TASP1: variants seen among roughly 807,000 people sequenced by gnomAD.
TASP1 encodes threonine aspartase 1.
Under a neutral mutation model 56.6 loss-of-function variants are expected in TASP1, and 16 were observed. That is an observed-to-expected ratio of 0.28 (90% CI 0.19 to 0.43). The LOEUF (loss-of-function observed/expected upper bound fraction) is 0.43, where lower values mean the gene tolerates loss of function less well. Among genes scored for constraint, TASP1 ranks in the 20% least tolerant of loss-of-function variants. The pLI is 1.00. For synonymous variants in TASP1, 179 were observed against 184.2 expected (o/e 0.97, Z 0.23); for missense variants, 393 against 511.6 (o/e 0.77, Z 2.24).
At chr20:13,364,865 G>A in the TASP1 span, among the ~76,000 whole-genome samples, 1 of 152,114 alleles carries the variant, frequency 6.6e-6, no homozygotes, top group Non-Finnish European at 1.5e-5. Context: ...ATGTGCACTA[G>A]AACTTTCTCC....
chr20:13,115,616 T>A, the TASP1 span, among the ~76,000 whole-genome samples: 10 of 152,138 alleles, frequency 6.6e-5, no homozygotes, highest in Admixed American at 5.9e-4. Flanking sequence ...CTGCAGCCAT[T>A]TATTATGTAT....
the TASP1 span, among the ~76,000 whole-genome samples, chr20:13,217,765 G>T: frequency 6.6e-6 from 1 of 152,174 alleles, no homozygotes; most frequent in African/African-American, 2.4e-5. Context: ...TTGTCTCAAA[G>T]ATTATACTTG....
intron 7 of TASP1, among the ~76,000 whole-genome samples, chr20:13,563,066 CAT>C (rs954624091): frequency 1.9e-4 from 28 of 147,762 alleles, no homozygotes; most frequent in Admixed American, 5.4e-4. Flanking sequence ...CACACACACA[CAT>C]ATATATGTAT....
rs548110152 is a variant in TASP1 at position 13,432,291 on chromosome 20, C to A, written c.1096+2753G>T. Among the ~76,000 whole-genome samples, 127 of 152,250 alleles carry A rather than the reference C, an allele frequency of 8.3e-4. 1 individual carries two copies. The South Asian group carries it at 0.026, about 31-fold the overall frequency. On this transcript the variant is annotated intron_variant, in intron 12 of 13. Transcript: ENST00000337743. Reference sequence around the variant, plus strand: ...TTAACTTTTTCACAGCAAGGGGTCACAAGTTACTGACTAATCAAGAAATAG... The same window carrying A: ...TTAACTTTTTCACAGCAAGGGGTCAAAAGTTACTGACTAATCAAGAAATAG...
chr20:13,217,172 A>G, the TASP1 span, among the ~76,000 whole-genome samples: 4 of 152,236 alleles, frequency 2.6e-5, no homozygotes, highest in African/African-American at 9.6e-5. Flanking sequence ...GCATACTGAA[A>G]TATGTACATA....
At chr20:13,122,911 C>T in the TASP1 span, among the ~76,000 whole-genome samples, 1 of 152,290 alleles carries the variant, frequency 6.6e-6, no homozygotes, top group East Asian at 1.9e-4. Flanking sequence ...AGTCACACAA[C>T]CTTAGAATGT....
the TASP1 span, among the ~76,000 whole-genome samples, chr20:13,382,972 T>C: frequency 4.6e-5 from 7 of 151,814 alleles, no homozygotes; most frequent in African/African-American, 7.3e-5. Context: ...CTGAAGGAGA[T>C]GAGGGAAGAG....
At chr20:13,373,103 G>A in the TASP1 span, among the ~76,000 whole-genome samples, 11 of 151,570 alleles carry the variant, frequency 7.3e-5, no homozygotes, top group Admixed American at 2.0e-4. Flanking sequence ...ATCATTTCTA[G>A]TTCTCTTTAT....
chr20:13,254,580 A>G, the TASP1 span, among the ~76,000 whole-genome samples: 1 of 152,150 alleles, frequency 6.6e-6, no homozygotes, highest in African/African-American at 2.4e-5. Flanking sequence ...TGACTTGGTC[A>G]CAGGCAGGTG....
chr20:13,328,773 T>C, the TASP1 span, among the ~76,000 whole-genome samples: 1 of 122,114 alleles, frequency 8.2e-6, no homozygotes, highest in Non-Finnish European at 1.6e-5. Context: ...CATGGTCACA[T>C]TGTGGGGAAC....
At chr20:13,290,753 C>G in the TASP1 span, among the ~76,000 whole-genome samples, 1 of 152,180 alleles carries the variant, frequency 6.6e-6, no homozygotes, top group South Asian at 2.1e-4. Context: ...ACTTAAGTGT[C>G]AAGCAAATGG....
rs975762023 is a variant in TASP1, at chr20:13,611,398, A to G, written c.282+12048T>C. 8.5e-5 allele frequency among the ~76,000 whole-genome samples: 13 copies of G among 152,348 alleles called. No individual in the cohort carries two copies. In the East Asian group the frequency reaches 2.3e-3, roughly 27 times the overall value. The stretch of plus-strand genomic sequence containing the variant: ...GCTTTAGCTTCAGGTCAAAAATTTT[A>G]GAGTGATATACTTTGGTATTAGTTC... On this transcript the variant is annotated intron_variant, in intron 4 of 13. Coordinates refer to ENST00000337743, the MANE Select transcript of TASP1 (RefSeq NM_017714.3).
At chr20:13,345,584 C>T in the TASP1 span, among the ~76,000 whole-genome samples, 2 of 152,274 alleles carry the variant, frequency 1.3e-5, no homozygotes, top group Admixed American at 1.3e-4. Context: ...CATATCTACA[C>T]TGGGGGAGGG....
chr20:13,225,006 C>G, the TASP1 span, among the ~76,000 whole-genome samples: 4 of 143,454 alleles, frequency 2.8e-5, no homozygotes, highest in African/African-American at 1.1e-4. Context: ...CCACCACGCC[C>G]GGCTAATTTT....
chr20:13,582,145 C>G (rs1365065371), intron 5 of TASP1, among the ~76,000 whole-genome samples: 1 of 149,970 alleles, frequency 6.7e-6, no homozygotes, highest in African/African-American at 2.5e-5. Context: ...AAAAGAAAAG[C>G]CCAAATCAGA....
the TASP1 span, chr20:13,288,587 G>A: frequency 9.3e-6 from 15 of 1,613,950 alleles, no homozygotes; most frequent in East Asian, 2.2e-5. Context: ...TGTCTGCAGC[G>A]TCACCTGCGG....
intron 11 of TASP1, among the ~76,000 whole-genome samples, chr20:13,439,680 G>T (rs929716512): frequency 6.6e-6 from 1 of 151,782 alleles, no homozygotes. Context: ...AGAAACAAAA[G>T]AGTAACACAG....
chr20:13,442,647 A>T (rs1195026880), intron 11 of TASP1, among the ~76,000 whole-genome samples: 1 of 151,414 alleles, frequency 6.6e-6, no homozygotes, highest in Non-Finnish European at 1.5e-5. Context: ...GTCTTTAAAA[A>T]CAAACAAACA....
chr20:13,513,208 A>AAAG (rs1300252407), intron 10 of TASP1, among the ~76,000 whole-genome samples: 5 of 152,190 alleles, frequency 3.3e-5, no homozygotes, highest in African/African-American at 1.2e-4. Flanking sequence ...TCAAAAAAGT[A>AAAG]AAGGGTTCCT....
Sources: allele counts gnomAD v4.1 joint callset (sites outside exome capture counted in the v4.1 genomes callset), GRCh38; gene constraint gnomAD v4.1.1; transcripts MANE v1.5; gene names NCBI Gene and HGNC (gene_info 2026-07-23, HGNC 2026-07-21).